Variants in PTPRF observed in about 807,000 individuals in gnomAD.
PTPRF encodes protein tyrosine phosphatase receptor type F, also known as receptor-type tyrosine-protein phosphatase F.
Under a neutral mutation model 201.8 loss-of-function variants are expected in PTPRF, and 59 were observed. The ratio of observed to expected loss-of-function variants is 0.29; its 90% CI spans 0.24 to 0.36. The LOEUF is 0.36. PTPRF is among the 10% of genes least tolerant of loss of function. The pLI is 1.00. For missense variants in PTPRF, 2,132 were observed against 2,690.5 expected (o/e 0.79, Z 4.59); for synonymous variants, 1,088 against 1,089.7 (o/e 1.00, Z 0.03).
chr1:43,575,223 C>G (rs1051398254), intron 6 of PTPRF, among the ~76,000 whole-genome samples: 15 of 152,198 alleles, frequency 9.9e-5, no homozygotes, highest in Non-Finnish European at 1.9e-4. Flanking sequence ...GGGTTACCAA[C>G]CCTCAGGGTT....
intron 24 of PTPRF, 27 bp downstream of exon 24, chr1:43,617,595 C>T (rs1230847288): frequency 6.2e-7 from 1 of 1,613,278 alleles, no homozygotes; most frequent in African/African-American, 1.3e-5. Context: ...CCCCTCCCAT[C>T]CCCTTGCTCT....
In PTPRF at chr1:43,545,105, G is replaced by C. The variant is rs370234203; in HGVS notation, c.30G>C (p.Thr10=). Residue 10 remains threonine, a synonymous_variant, in exon 3 of 34, where the codon ACG becomes ACC. Coordinates refer to ENST00000359947, the MANE Select transcript of PTPRF (RefSeq NM_002840.5). ...CCCCTGAGCCAGCCCCAGGGAGGAC[G>C]ATGGTGCCCCTTGTGCCTGCACTGG... MAPEPAPGR[T]MVPLVPALVM... is the part of the protein sequence containing the mutation. 3.8e-6 allele frequency: 6 copies of C among 1,587,466 alleles called. No individual in the cohort carries two copies. The African/African-American group carries it at 8.1e-5, about 21-fold the overall frequency.
At position 43,597,931 on chromosome 1, in the gene PTPRF, A is replaced by G; in HGVS notation, c.1997A>G (p.His666Arg). Residue 666 changes from histidine (H) to arginine (R), a missense_variant, in exon 12 of 34, where the codon CAC (histidine) becomes CGC (arginine). His to Arg is a conservative substitution (Grantham distance 29). Coordinates refer to ENST00000359947, the MANE Select transcript of PTPRF (RefSeq NM_002840.5). Reference protein sequence around the residue: ...RHVVDGISREHSSWDLVGLEK... With the variant: ...RHVVDGISRERSSWDLVGLEK... ...GTGGTGGATGGCATCAGCCGTGAGC[A>G]CTCCAGCTGGGACCTGGTGGGCCTG... The G allele has an allele frequency of 6.3e-7, 1 of 1,591,236 alleles. No individual in the cohort carries two copies. The highest frequency in any genetic ancestry group is 8.6e-7 in the Non-Finnish European group (1 of 1,168,864).
In PTPRF at chr1:43,588,460, C is replaced by T. The variant is rs577571270; in HGVS notation, c.680-271C>T. ...GACCTTCCTGACAGGCCTCAGTTTC[C>T]TAGGCTATAAAATGGGAGCTTGGTT... On this transcript the variant is annotated intron_variant, in intron 7 of 33. Transcript: ENST00000359947. This position sits in a 1 kb window ranked among gnomAD's most constrained non-coding sequence, Gnocchi z 5.3. Among the ~76,000 whole-genome samples, 2 of 152,260 alleles carry T rather than the reference C, an allele frequency of 1.3e-5. No homozygotes were observed. Among genetic ancestry groups the T allele is most frequent in the African/African-American group, 4.8e-5 (2 of 41,544 alleles).
intron 9 of PTPRF, 90 bp from the exon 10 acceptor site, chr1:43,591,722 G>A (rs1650804824): frequency 1.3e-6 from 2 of 1,533,740 alleles, no homozygotes; most frequent in Admixed American, 1.9e-5. Context: ...AGGGTGTGAG[G>A]TTAGGACCTG....
chr1:43,604,890 T>C lies in PTPRF; in HGVS notation c.3038-13T>C. On this transcript the variant is annotated splice_polypyrimidine_tract_variant and intron_variant, in intron 16 of 33. Transcript: ENST00000359947. ...TATACCCAGCAGAGCTGACTCTCTC[T>C]ATGCCTTTGCAGTGTTTGCCAAGAA... 4.3e-6 allele frequency: 7 copies of C among 1,612,538 alleles called. No individual in the cohort carries two copies. Among genetic ancestry groups the C allele is most frequent in the Non-Finnish European group, 5.9e-6 (7 of 1,179,094 alleles).
chr1:43,584,803 G>A (rs1648689015), intron 7 of PTPRF, among the ~76,000 whole-genome samples: 1 of 152,178 alleles, frequency 6.6e-6, no homozygotes, highest in Admixed American at 6.5e-5. Flanking sequence ...AGTGGATCCT[G>A]CCCCTCATCC....
intron 5 of PTPRF, among the ~76,000 whole-genome samples, chr1:43,566,130 C>T (rs1646164164): frequency 6.6e-6 from 1 of 152,120 alleles, no homozygotes; most frequent in Non-Finnish European, 1.5e-5. Context: ...CCGTGCCGGC[C>T]GAGGCGTGGT....
intron 7 of PTPRF, chr1:43,583,186 G>A: frequency 1.2e-6 from 1 of 856,632 alleles, no homozygotes; most frequent in Non-Finnish European, 1.4e-6. Context: ...AGCTCCCTCA[G>A]GCTCACTGCG....
At chr1:43,522,941 CAGAGATA>C (rs1465364472), upstream of PTPRF, among the ~76,000 whole-genome samples, 1 of 152,100 alleles carries the variant, frequency 6.6e-6, no homozygotes, top group Non-Finnish European at 1.5e-5. Context: ...GGCTGCAGCG[CAGAGATA>C]AGATGGGGGA....
chr1:43,603,541 A>G lies in PTPRF; in HGVS notation c.2458+8A>G. On this transcript the variant is annotated splice_region_variant and intron_variant, in intron 15 of 33. Transcript: ENST00000359947. The surrounding 1 kb of genome is among the most constrained non-coding windows in gnomAD (Gnocchi z 5.8). ...TCACTACAACAGGTGCAGGTGAGTG[A>G]GGGGTCAGGACGGACCTGAGGGTGG... The G allele has an allele frequency of 6.2e-7, 1 of 1,613,482 alleles. No individual in the cohort carries two copies. Among genetic ancestry groups the G allele is most frequent in the African/African-American group, 1.3e-5 (1 of 75,004 alleles).
At position 43,598,824 on chromosome 1, in the gene PTPRF, C is replaced by T; in HGVS notation, c.2224C>T (p.Arg742Cys). Residue 742 changes from arginine to cysteine, a missense_variant, in exon 13 of 34, where the codon CGC becomes TGC. This residue lies in a region of PTPRF where 125 missense variants were observed against 211.9 expected (regional missense o/e 0.59). Transcript: ENST00000359947. ...CCCCAGCAAGCAGCATGGCCAGATC[C>T]GCGGCTACCAGGTCACCTACGTGCG... ...PVPSKQHGQIRGYQVTYVRLE... is the reference protein window; with the variant it reads ...PVPSKQHGQICGYQVTYVRLE... 1 of 1,614,186 alleles carries T rather than the reference C, an allele frequency of 6.2e-7. No individual in the cohort carries two copies. The highest frequency in any genetic ancestry group is 8.5e-7 in the Non-Finnish European group (1 of 1,180,028).
At chr1:43,597,651 C>A (rs1159010588) in intron 11 of PTPRF, 97 bp from the exon 12 acceptor site, 2 of 935,556 alleles carry the variant, frequency 2.1e-6, no homozygotes, top group African/African-American at 1.6e-5. Flanking sequence ...TAAGGGGTAG[C>A]CTGCCCGGGT....
At chr1:43,567,708 T>C (rs1646280009) in intron 5 of PTPRF, among the ~76,000 whole-genome samples, 1 of 152,192 alleles carries the variant, frequency 6.6e-6, no homozygotes, top group South Asian at 2.1e-4. Context: ...TCCCTGGGTC[T>C]CCAAGAGGCT....
At chr1:43,583,621 C>G (rs1450342574) in intron 7 of PTPRF, among the ~76,000 whole-genome samples, 1 of 152,220 alleles carries the variant, frequency 6.6e-6, no homozygotes, top group Non-Finnish European at 1.5e-5. Flanking sequence ...GGCAAAAGTC[C>G]TGCAGTGTGT....
At position 43,538,682 on chromosome 1, in the gene PTPRF, G is replaced by C. The variant is rs1161079501; in HGVS notation, c.-46+405G>C. Among the ~76,000 whole-genome samples, 4 of 152,340 alleles carry C rather than the reference G, an allele frequency of 2.6e-5. No individual in the cohort carries two copies. The East Asian group carries it at 7.7e-4, about 29-fold the overall frequency. ...GGTGATGTCCTGGGACTTACACCAG[G>C]ATCTTTCTTCTGCTTCTCCATTCGC... is the stretch of plus-strand genomic sequence containing the variant. On this transcript the variant is annotated intron_variant, in intron 2 of 33. Coordinates refer to ENST00000359947, the MANE Select transcript of PTPRF (RefSeq NM_002840.5).
intron 5 of PTPRF, 78 bp from the exon 6 acceptor site, chr1:43,569,512 T>A: frequency 1.4e-6 from 2 of 1,447,276 alleles, no homozygotes; most frequent in South Asian, 2.8e-5. Flanking sequence ...CAACCTGCAG[T>A]TGGGGAGGTT....
At chr1:43,599,976 CCACT>C (rs919670895) in intron 13 of PTPRF, among the ~76,000 whole-genome samples, 9 of 152,194 alleles carry the variant, frequency 5.9e-5, no homozygotes, top group Non-Finnish European at 8.8e-5. Context: ...GGTGCGTGTA[CCACT>C]CAATGCTGTA....
chr1:43,572,622 G>A (rs1034133942), intron 6 of PTPRF, among the ~76,000 whole-genome samples: 2 of 152,218 alleles, frequency 1.3e-5, no homozygotes, highest in African/African-American at 4.8e-5. Flanking sequence ...TTCAGGGACA[G>A]CCCTTCATGG....
Sources: gnomAD v4.1 joint callset for allele counts (sites outside exome capture counted in the v4.1 genomes callset) on GRCh38, gnomAD v4.1.1 for gene constraint, gnomAD v4.1.1 regional missense constraint, Gnocchi (gnomAD v3.1) non-coding constraint, MANE v1.5 for transcripts, NCBI Gene and HGNC (gene_info 2026-07-23, HGNC 2026-07-21) for gene names.